Variants in ATXN1 observed in about 807,000 individuals in gnomAD.
The protein encoded by ATXN1 is ataxin-1.
A neutral mutation model predicts 56.4 loss-of-function variants in ATXN1; 8 were observed. The observed-to-expected ratio is 0.14, with a 90% CI of 0.08 to 0.26. ATXN1 has a LOEUF of 0.26. Among genes scored for constraint, ATXN1 ranks in the 10% least tolerant of loss-of-function variants. The pLI is 1.00. For missense variants in ATXN1, 987 were observed against 1,106.5 expected (o/e 0.89, Z 1.53); for synonymous variants, 514 against 494.6 (o/e 1.04, Z -0.52).
At chr6:16,492,125 G>C (rs1384389356) in intron 5 of ATXN1, among the ~76,000 whole-genome samples, 2 of 152,016 alleles carry the variant, frequency 1.3e-5, no homozygotes, top group African/African-American at 4.8e-5. Context: ...CTGGACTTCG[G>C]ACCTCCAACA....
At chr6:16,689,980 ATCCAT>A (rs1003449445) in intron 2 of ATXN1, among the ~76,000 whole-genome samples, 6 of 152,100 alleles carry the variant, frequency 3.9e-5, no homozygotes, top group Non-Finnish European at 5.9e-5. Flanking sequence ...TGGAGTTTTT[ATCCAT>A]TACAAGAGAG....
chr6:16,433,897 G>A (rs1302797218), intron 6 of ATXN1, among the ~76,000 whole-genome samples: 1 of 152,178 alleles, frequency 6.6e-6, no homozygotes, highest in Non-Finnish European at 1.5e-5. Flanking sequence ...CGAGGGTCAC[G>A]ACGCGTCCTC....
At chr6:16,555,797 C>A (rs1178941924) in intron 4 of ATXN1, among the ~76,000 whole-genome samples, 1 of 152,210 alleles carries the variant, frequency 6.6e-6, no homozygotes, top group East Asian at 1.9e-4. Context: ...GACCACAACA[C>A]ACTAACTCTG....
At chr6:16,581,001 T>C (rs1259385866) in intron 4 of ATXN1, among the ~76,000 whole-genome samples, 1 of 152,160 alleles carries the variant, frequency 6.6e-6, no homozygotes, top group Non-Finnish European at 1.5e-5. Flanking sequence ...CTTAGAAATG[T>C]ACATTTCAAC....
chr6:16,719,885 C>T (rs1159184884), intron 2 of ATXN1, among the ~76,000 whole-genome samples: 4 of 152,176 alleles, frequency 2.6e-5, no homozygotes, highest in African/African-American at 9.7e-5. Context: ...AACAGAGCTT[C>T]GGGAGGGAGT....
intron 6 of ATXN1, among the ~76,000 whole-genome samples, chr6:16,473,164 G>A (rs772899977): frequency 7.2e-5 from 11 of 151,902 alleles, no homozygotes; most frequent in Non-Finnish European, 1.0e-4. Flanking sequence ...TATCTGCATC[G>A]CACACATTTT....
At chr6:16,347,604 C>T (rs1761445901) in intron 6 of ATXN1, among the ~76,000 whole-genome samples, 1 of 152,218 alleles carries the variant, frequency 6.6e-6, no homozygotes, top group South Asian at 2.1e-4. Context: ...CACCAATCCA[C>T]ACTCTGTATC....
chr6:16,338,373 G>A (rs1218003094), intron 6 of ATXN1, among the ~76,000 whole-genome samples: 1 of 152,112 alleles, frequency 6.6e-6, no homozygotes, highest in African/African-American at 2.4e-5. Context: ...GGCGCCTGTA[G>A]TCCCAGCTAC....
chr6:16,624,864 G>A (rs1482549236), intron 3 of ATXN1, among the ~76,000 whole-genome samples: 1 of 152,134 alleles, frequency 6.6e-6, no homozygotes, highest in Non-Finnish European at 1.5e-5. Context: ...TTCAACTCCT[G>A]AATTTTTTGA....
chr6:16,713,562 CAT>C (rs1429123760), intron 2 of ATXN1, among the ~76,000 whole-genome samples: 2 of 152,260 alleles, frequency 1.3e-5, no homozygotes, highest in Admixed American at 1.3e-4. Flanking sequence ...TCTGAGAAAA[CAT>C]AGAGTGGAGT....
At chr6:16,551,102 A>G (rs1214759453) in intron 4 of ATXN1, among the ~76,000 whole-genome samples, 1 of 152,236 alleles carries the variant, frequency 6.6e-6, no homozygotes, top group Admixed American at 6.5e-5. Context: ...ATAAAATAAC[A>G]TAAATGAAGA....
At chr6:16,553,856 G>T (rs1254474312) in intron 4 of ATXN1, among the ~76,000 whole-genome samples, 1 of 152,154 alleles carries the variant, frequency 6.6e-6, no homozygotes, top group Non-Finnish European at 1.5e-5. Flanking sequence ...AGCTATTATA[G>T]CTTTCTCCTT....
At position 16,548,981 on chromosome 6, in the gene ATXN1, T is replaced by C. The variant is rs1433060338; in HGVS notation, c.-360-26293A>G. Among the ~76,000 whole-genome samples, 11 of 152,070 alleles carry C rather than the reference T, an allele frequency of 7.2e-5. 1 individual carries two copies. Among genetic ancestry groups the C allele is most frequent in the Admixed American group, 7.2e-4 (11 of 15,248 alleles). ...AAAATACTAAGAAACAAACACGCAT[T>C]AGTCTAGGCCTATACAGGGTCAGGA... On this transcript the variant is annotated intron_variant, in intron 4 of 7. Coordinates refer to ENST00000436367, the MANE Select transcript of ATXN1 (RefSeq NM_001128164.2).
chr6:16,623,773 G>C (rs181506795), intron 3 of ATXN1, among the ~76,000 whole-genome samples: 18 of 152,254 alleles, frequency 1.2e-4, no homozygotes, highest in Admixed American at 2.6e-4. Context: ...AAGGAAAAAA[G>C]GATTGGTTTT....
chr6:16,527,579 G>T (rs1254518612), intron 4 of ATXN1, among the ~76,000 whole-genome samples: 1 of 152,148 alleles, frequency 6.6e-6, no homozygotes, highest in African/African-American at 2.4e-5. Context: ...TACAACAAAT[G>T]CTCCCTAAAT....
chr6:16,723,344 A>G (rs1408855180), intron 2 of ATXN1, among the ~76,000 whole-genome samples: 1 of 152,180 alleles, frequency 6.6e-6, no homozygotes, highest in Non-Finnish European at 1.5e-5. Context: ...TTAAACAACA[A>G]TCTATCCTTC....
At chr6:16,747,456 G>A (rs530574430) in intron 2 of ATXN1, among the ~76,000 whole-genome samples, 2 of 152,148 alleles carry the variant, frequency 1.3e-5, no homozygotes, top group Non-Finnish European at 2.9e-5. Context: ...TGAAGCAGAC[G>A]ACATACAACT....
intron 6 of ATXN1, among the ~76,000 whole-genome samples, chr6:16,469,295 G>A (rs1760170820): frequency 6.6e-6 from 1 of 152,202 alleles, no homozygotes; most frequent in Non-Finnish European, 1.5e-5. Flanking sequence ...GTTTAATACA[G>A]TGTGATACTT....
intron 5 of ATXN1, among the ~76,000 whole-genome samples, chr6:16,522,004 C>G (rs1269456266): frequency 3.3e-5 from 5 of 152,194 alleles, no homozygotes. Context: ...TTAAGTTAAA[C>G]TACCTATAAC....
Sources: allele counts gnomAD v4.1 joint callset (sites outside exome capture counted in the v4.1 genomes callset), GRCh38; gene constraint gnomAD v4.1.1; transcripts MANE v1.5; gene names NCBI Gene and HGNC (gene_info 2026-07-23, HGNC 2026-07-21).